Variants in GMEB1 observed in about 807,000 individuals in gnomAD.
GMEB1 encodes the protein glucocorticoid modulatory element-binding protein 1.
A neutral mutation model predicts 52.4 loss-of-function variants in GMEB1; 6 were observed. The observed-to-expected ratio is 0.11, with a 90% confidence interval of 0.06 to 0.23. The LOEUF is 0.23. Ranked by LOEUF, GMEB1 falls within the 10% of genes least tolerant of loss-of-function variation. The probability of loss-of-function intolerance (pLI) is 1.00; values close to 1 mark genes in which losing one functional copy is unlikely to be tolerated. For synonymous variants in GMEB1, 255 were observed against 244.9 expected (o/e 1.04, Z -0.38); for missense variants, 486 against 685.6 (o/e 0.71, Z 3.25).
Position 28,718,585 on chromosome 1 carries a change from G to A in GMEB1, c.*3812G>A, listed in dbSNP as rs1457649810. 6.6e-6 allele frequency: 1 copy of A among 152,018 alleles called. No homozygotes were observed. Among genetic ancestry groups the A allele is most frequent in the Non-Finnish European group, 1.5e-5 (1 of 68,000 alleles). 9.4% of individuals were successfully genotyped at this position (152,018 alleles called of 1,614,324 possible). On this transcript the variant is annotated 3_prime_UTR_variant, in exon 10 of 10. Coordinates refer to ENST00000373816, the MANE Select transcript of GMEB1 (RefSeq NM_001319674.2). Reference sequence around the variant, plus strand: ...CACTGTACTCTAGCCCAGGTAACAGGGCAACATCCCCAGCTCAGAAAACCA... The same window carrying A: ...CACTGTACTCTAGCCCAGGTAACAGAGCAACATCCCCAGCTCAGAAAACCA...
intron 3 of GMEB1, 89 bp from the exon 4 acceptor site, chr1:28,691,496 C>A: frequency 2.2e-6 from 2 of 905,100 alleles, no homozygotes; most frequent in Non-Finnish European, 3.2e-6. Context: ...AGTATTAGTC[C>A]CTTAGAGGAA....
chr1:28,702,355 T>C lies in GMEB1; in HGVS notation c.599-83T>C, dbSNP rs79545566. ...TAGAATGTTAAAATAACAAGGTCTTTGTAGCTATTGAGTATGAGATATAGG... is the reference window on the plus strand; with the variant it reads ...TAGAATGTTAAAATAACAAGGTCTTCGTAGCTATTGAGTATGAGATATAGG... On this transcript the variant is annotated intron_variant, in intron 6 of 9. Transcript: ENST00000373816. 1,411 of 1,078,622 alleles carry C rather than the reference T, an allele frequency of 1.3e-3. 2 individuals are homozygous for C. The highest frequency in any genetic ancestry group is 2.3e-3 in the Middle Eastern group (11 of 4,736). The allele number at this position is 1,078,622 out of a possible 1,614,324, so 66.8% of individuals were successfully genotyped here. A position where few individuals can be genotyped will look rare whatever the true frequency, so the allele number is the denominator to read the frequency against.
At chr1:28,700,567 C>T (rs1670454752) in intron 6 of GMEB1, among the ~76,000 whole-genome samples, 1 of 150,642 alleles carries the variant, frequency 6.6e-6, no homozygotes, top group African/African-American at 2.4e-5. Context: ...TGCCTGTAAT[C>T]CCAGCTACTC....
chr1:28,668,606 G>C (rs898961858), upstream of GMEB1: 2 of 152,734 alleles, frequency 1.3e-5, no homozygotes, highest in African/African-American at 4.8e-5. Context: ...GATTTTCAAG[G>C]GCGAAAGAAT....
Position 28,697,459 on chromosome 1 carries a change from C to T in GMEB1, c.598+375C>T, listed in dbSNP as rs180820631. Among the ~76,000 whole-genome samples the T allele has an allele frequency of 3.4e-3, 519 of 152,132 alleles. 3 individuals carry two copies. The highest frequency in any genetic ancestry group is 0.012 in the African/African-American group (495 of 41,528). ...CCAACCTCAGGTGATCCGCCCACCT[C>T]GGCCTCCCGAAGTGCTGGGATTACA... On this transcript the variant is annotated intron_variant, in intron 6 of 9. Transcript: ENST00000373816.
intron 8 of GMEB1, among the ~76,000 whole-genome samples, chr1:28,705,755 C>T (rs949810026): frequency 1.3e-5 from 2 of 151,800 alleles, no homozygotes; most frequent in African/African-American, 4.8e-5. Flanking sequence ...CCAGCCGATA[C>T]ATCTATTTTC....
intron 1 of GMEB1, among the ~76,000 whole-genome samples, chr1:28,672,195 A>ATTTT (rs963805886): frequency 4.1e-5 from 5 of 122,550 alleles, no homozygotes; most frequent in African/African-American, 9.2e-5. Context: ...TTTAACTTTT[A>ATTTT]TTTTTATTTA....
At chr1:28,681,378 A>G (rs1669381872) in intron 1 of GMEB1, among the ~76,000 whole-genome samples, 1 of 152,192 alleles carries the variant, frequency 6.6e-6, no homozygotes, top group African/African-American at 2.4e-5. Context: ...AAAAAAAAGA[A>G]AATAGTTTAG....
intron 1 of GMEB1, among the ~76,000 whole-genome samples, chr1:28,676,705 A>G (rs1456060941): frequency 6.6e-6 from 1 of 150,650 alleles, no homozygotes; most frequent in Non-Finnish European, 1.5e-5. Flanking sequence ...AGCCTGGGTG[A>G]CAGAGCAAGA....
rs751126100 is a variant in GMEB1 at position 28,714,983 on chromosome 1, G to T, written c.*210G>T. The T allele has an allele frequency of 9.8e-5, 54 of 549,160 alleles. 1 individual carries two copies. The highest frequency in any genetic ancestry group is 1.6e-4 in the Non-Finnish European group (50 of 308,552). 34.0% of individuals were successfully genotyped at this position (549,160 alleles called of 1,614,324 possible). ...CTGCCCTTCCAGAAGTTGAGAGTAG[G>T]TCATTCAATGTCCTAATCATCTTAC... On this transcript the variant is annotated 3_prime_UTR_variant, in exon 10 of 10. Coordinates refer to ENST00000373816, the MANE Select transcript of GMEB1 (RefSeq NM_001319674.2).
intron 6 of GMEB1, among the ~76,000 whole-genome samples, chr1:28,700,015 C>T (rs1041875871): frequency 6.7e-6 from 1 of 148,222 alleles, no homozygotes; most frequent in Non-Finnish European, 1.5e-5. Context: ...GTGATTGTGC[C>T]TCTGCACTCC....
intron 6 of GMEB1, among the ~76,000 whole-genome samples, chr1:28,698,491 C>T (rs534097212): frequency 1.1e-4 from 17 of 148,908 alleles, no homozygotes; most frequent in Admixed American, 8.7e-4. Flanking sequence ...CTGGTTAACA[C>T]GGTGGAACCC....
intron 1 of GMEB1, among the ~76,000 whole-genome samples, chr1:28,675,018 CT>C (rs1439790151): frequency 1.5e-3 from 122 of 81,452 alleles, no homozygotes; most frequent in Middle Eastern, 0.018. Context: ...CGCGCCCGGC[CT>C]TTTTTTTTTT....
At chr1:28,686,287 G>A (rs1036365137) in intron 2 of GMEB1, among the ~76,000 whole-genome samples, 5 of 152,096 alleles carry the variant, frequency 3.3e-5, no homozygotes. Context: ...GCTGCAGTGA[G>A]CTGTGATCAT....
At chr1:28,705,802 C>T (rs752683742) in intron 8 of GMEB1, among the ~76,000 whole-genome samples, 36 of 151,566 alleles carry the variant, frequency 2.4e-4, no homozygotes, top group Non-Finnish European at 4.3e-4. Flanking sequence ...GGTATGTCCA[C>T]TATGTGTATG....
chr1:28,697,130 G>C (rs757700446), intron 6 of GMEB1, 46 bp downstream of exon 6: 1 of 1,177,504 alleles, frequency 8.5e-7, no homozygotes, highest in South Asian at 1.6e-5. Flanking sequence ...TTTTTCAGCA[G>C]AACTTTCCCC....
intron 5 of GMEB1, among the ~76,000 whole-genome samples, chr1:28,693,468 C>T (rs185422717): frequency 4.6e-5 from 7 of 152,130 alleles, no homozygotes; most frequent in African/African-American, 9.6e-5. Context: ...CCACCCATCT[C>T]GGCCTCTCAA....
chr1:28,673,916 G>A (rs186653607), intron 1 of GMEB1, among the ~76,000 whole-genome samples: 2 of 151,968 alleles, frequency 1.3e-5, no homozygotes, highest in Admixed American at 1.3e-4. Context: ...GGGAGGCCGT[G>A]GTGGGTGGAT....
intron 5 of GMEB1, 88 bp downstream of exon 5, chr1:28,693,133 A>G: frequency 1.8e-6 from 1 of 541,098 alleles, no homozygotes; most frequent in South Asian, 3.9e-5. Flanking sequence ...TTAGGTTGAC[A>G]TTTTTATTCT....
Sources: allele counts gnomAD v4.1 joint callset (sites outside exome capture counted in the v4.1 genomes callset), GRCh38; gene constraint gnomAD v4.1.1; transcripts MANE v1.5; gene names NCBI Gene and HGNC (gene_info 2026-07-23, HGNC 2026-07-21).